Variants in ABL1 observed in about 807,000 individuals in gnomAD.
The protein encoded by ABL1 is ABL proto-oncogene 1, non-receptor tyrosine kinase.
ABL1 carries 11 observed loss-of-function variants against 94.7 expected under a neutral mutation model. That is an observed-to-expected ratio of 0.12 (90% confidence interval 0.07 to 0.19). ABL1 has a LOEUF of 0.19. Ranked by LOEUF, ABL1 falls within the 10% of genes least tolerant of loss-of-function variation. ABL1 has a pLI of 1.00. For missense variants in ABL1, 1,082 were observed against 1,489.4 expected (o/e 0.73, Z 4.50); for synonymous variants, 656 against 622.4 (o/e 1.05, Z -0.80).
chr9:130,884,824 C>A lies in ABL1; in HGVS notation c.2534C>A (p.Pro845His), dbSNP rs745761263. 1 of 1,604,714 alleles carries A rather than the reference C, an allele frequency of 6.2e-7. No individual in the cohort carries two copies. The highest frequency in any genetic ancestry group is 1.7e-5 in the Admixed American group (1 of 59,344). Reference protein sequence around the residue: ...EAGKGSALGTPAAAEPVTPTS... With the variant: ...EAGKGSALGTHAAAEPVTPTS... ...GGAAAGGGCAGTGCCTTAGGGACCCCTGCTGCAGCTGAGCCAGTGACCCCC... is the reference window on the plus strand; with the variant it reads ...GGAAAGGGCAGTGCCTTAGGGACCCATGCTGCAGCTGAGCCAGTGACCCCC... The change falls in exon 11 of 11, where the codon CCT (proline) becomes CAT (histidine). Residue 845 changes from proline to histidine, a missense_variant. By Grantham distance (77) the Pro-to-His change is moderately conservative (BLOSUM62 -2). This residue lies in a region of ABL1 where 780 missense variants were observed against 835.8 expected (regional missense o/e 0.93). Coordinates refer to ENST00000318560, the MANE Select transcript of ABL1 (RefSeq NM_005157.6). The surrounding 1 kb of genome is among the most constrained non-coding windows in gnomAD (Gnocchi z 5.6).
chr9:130,789,985 G>A (rs1394509574), intron 1 of ABL1, among the ~76,000 whole-genome samples: 3 of 152,232 alleles, frequency 2.0e-5, no homozygotes, highest in African/African-American at 7.2e-5. Context: ...GAATGGCAAA[G>A]AGAGAATATT....
At chr9:130,714,614 A>T in intron 1 of ABL1, 1 of 994,084 alleles carries the variant, frequency 1.0e-6, no homozygotes, top group East Asian at 2.4e-5. Context: ...TTTGTATAAG[A>T]AAAAGTTACT....
chr9:130,744,443 T>G lies in ABL1; in HGVS notation c.136+29988T>G, dbSNP rs188534971. Among the ~76,000 whole-genome samples, 488 of 151,288 alleles carry G rather than the reference T, an allele frequency of 3.2e-3. 1 individual carries two copies. The highest frequency in any genetic ancestry group is 0.011 in the African/African-American group (460 of 41,306). ...GGGGTGAGCCACCACGCCTGGCCCC[T>G]TCTTGTTTTTGTAGCTTGTCACATG... On this transcript the variant is annotated intron_variant, in intron 1 of 10. Coordinates refer to the ABL1 transcript ENST00000372348.
rs1831548390 is a variant in ABL1 at position 130,885,117 on chromosome 9, A to G, written c.2827A>G (p.Ser943Gly). 4 of 1,612,294 alleles carry G rather than the reference A, an allele frequency of 2.5e-6. No homozygotes were observed. Among genetic ancestry groups the G allele is most frequent in the Admixed American group, 1.7e-5 (1 of 59,956 alleles). The change falls in exon 11 of 11, where the codon AGT (serine) becomes GGT (glycine). Residue 943 changes from serine (S) to glycine (G), a missense_variant. This residue lies in a region of ABL1 where 780 missense variants were observed against 835.8 expected (regional missense o/e 0.93). Coordinates refer to ENST00000318560, the MANE Select transcript of ABL1 (RefSeq NM_005157.6). ...KATSLVDAVN[S>G]DAAKPSQPGE... ...CACGAGTCTGGTTGATGCTGTGAAC[A>G]GTGACGCTGCCAAGCCCAGCCAGCC...
At chr9:130,845,421 A>T (rs1830751109) in intron 1 of ABL1, among the ~76,000 whole-genome samples, 1 of 151,790 alleles carries the variant, frequency 6.6e-6, no homozygotes, top group African/African-American at 2.4e-5. Flanking sequence ...GGCTCACTGC[A>T]ACCTCCACCT....
At chr9:130,736,615 C>T (rs1369688563) in intron 1 of ABL1, among the ~76,000 whole-genome samples, 1 of 152,058 alleles carries the variant, frequency 6.6e-6, no homozygotes, top group African/African-American at 2.4e-5. Flanking sequence ...CCTCAGCCTC[C>T]CAAGTAGCTG....
intron 1 of ABL1, among the ~76,000 whole-genome samples, chr9:130,757,143 G>T (rs2132740226): frequency 6.6e-6 from 1 of 152,324 alleles, no homozygotes; most frequent in East Asian, 1.9e-4. Flanking sequence ...TCAGAACTTG[G>T]TGAGAATGAG....
chr9:130,800,868 T>A (rs935718112), intron 1 of ABL1, among the ~76,000 whole-genome samples: 1 of 152,214 alleles, frequency 6.6e-6, no homozygotes, highest in Admixed American at 6.5e-5. Context: ...TTCACCATTG[T>A]GTGAGCATAT....
chr9:130,876,928 G>T (rs1042442328), intron 7 of ABL1, among the ~76,000 whole-genome samples: 2 of 146,564 alleles, frequency 1.4e-5, no homozygotes, highest in South Asian at 2.1e-4. Context: ...TTGTAGAGAC[G>T]GGGTTTCACT....
chr9:130,757,183 G>C (rs1038966176), intron 1 of ABL1, among the ~76,000 whole-genome samples: 3 of 152,330 alleles, frequency 2.0e-5, no homozygotes, highest in Admixed American at 2.0e-4. Flanking sequence ...AAGATCAGCA[G>C]CATCAGCCCA....
chr9:130,874,307 C>G (rs961452252), intron 6 of ABL1, among the ~76,000 whole-genome samples: 8 of 152,118 alleles, frequency 5.3e-5, no homozygotes, highest in Non-Finnish European at 1.2e-4. Context: ...TTTGGGTACA[C>G]CTCAGGAAGA....
chr9:130,879,306 ATG>A (rs1349121330), intron 8 of ABL1, among the ~76,000 whole-genome samples: 2 of 152,114 alleles, frequency 1.3e-5, no homozygotes, highest in South Asian at 2.1e-4. Flanking sequence ...TTTCCCACAC[ATG>A]TCTTTCCACG....
rs757310086 is a variant in ABL1, at chr9:130,872,164, A to G, written c.858A>G (p.Glu286=). The change falls in exon 5 of 11, where the codon GAA becomes GAG. Residue 286 remains glutamate (E), a synonymous_variant. Coordinates refer to ENST00000318560, the MANE Select transcript of ABL1 (RefSeq NM_005157.6). The surrounding 1 kb of genome is among the most constrained non-coding windows in gnomAD (Gnocchi z 5.0). ...DTMEVEEFLK[E]AAVMKEIKHP... is the part of the protein sequence containing the mutation. The stretch of plus-strand genomic sequence containing the variant: ...TGGAGGTGGAAGAGTTCTTGAAAGA[A>G]GCTGCAGTCATGAAAGAGATCAAAC... 3.0e-5 allele frequency: 48 copies of G among 1,614,096 alleles called. No individual in the cohort carries two copies. The highest frequency in any genetic ancestry group is 4.1e-5 in the Non-Finnish European group (48 of 1,180,038).
At chr9:130,725,486 T>G (rs1831569558) in intron 1 of ABL1, among the ~76,000 whole-genome samples, 2 of 152,174 alleles carry the variant, frequency 1.3e-5, no homozygotes, top group African/African-American at 4.8e-5. Flanking sequence ...GTTCAAGCAG[T>G]TCTTCTGCCT....
chr9:130,881,325 G>A (rs897870352), intron 10 of ABL1, among the ~76,000 whole-genome samples: 5 of 152,196 alleles, frequency 3.3e-5, no homozygotes, highest in Admixed American at 3.3e-4. Context: ...CAAAAGCATT[G>A]AGGGGTGTAT....
intron 1 of ABL1, among the ~76,000 whole-genome samples, chr9:130,808,533 C>T (rs1049040629): frequency 2.6e-5 from 4 of 152,260 alleles, no homozygotes; most frequent in African/African-American, 7.2e-5. Context: ...CATGAGCCAT[C>T]GCACCCAGCT....
chr9:130,784,730 CCTTG>C (rs1298165574), intron 1 of ABL1, among the ~76,000 whole-genome samples: 1 of 152,110 alleles, frequency 6.6e-6, no homozygotes, highest in Non-Finnish European at 1.5e-5. Context: ...AGGGAACTGT[CCTTG>C]CTTCCTTTTG....
upstream of ABL1, among the ~76,000 whole-genome samples, chr9:130,831,017 A>G (rs1830489208): frequency 6.6e-6 from 1 of 152,236 alleles, no homozygotes; most frequent in Admixed American, 6.5e-5. Flanking sequence ...GTTTTAAGCT[A>G]TGTTATCCTT....
chr9:130,766,342 G>A (rs368700540), intron 1 of ABL1, among the ~76,000 whole-genome samples: 2 of 152,162 alleles, frequency 1.3e-5, no homozygotes, highest in Non-Finnish European at 2.9e-5. Flanking sequence ...ATCCATGACC[G>A]CAGACAGACT....
Sources: allele counts gnomAD v4.1 joint callset (sites outside exome capture counted in the v4.1 genomes callset), GRCh38; gene constraint gnomAD v4.1.1; regional missense constraint gnomAD v4.1.1; non-coding constraint Gnocchi (gnomAD v3.1); transcripts MANE v1.5; gene names NCBI Gene and HGNC (gene_info 2026-07-23, HGNC 2026-07-21).